KCNN2: variants seen among roughly 807,000 people sequenced by gnomAD.
KCNN2 encodes the protein small conductance calcium-activated potassium channel protein 2.
Under a neutral mutation model 55.5 loss-of-function variants are expected in KCNN2, and 24 were observed. The ratio of observed to expected loss-of-function variants is 0.43; its 90% CI spans 0.31 to 0.61. The LOEUF (loss-of-function observed/expected upper bound fraction) is 0.61, where lower values mean the gene tolerates loss of function less well. Among genes scored for constraint, KCNN2 ranks in the 20% least tolerant of loss-of-function variants. The pLI, the probability that KCNN2 is intolerant of heterozygous loss-of-function variation, is 0.08. For missense variants in KCNN2, 754 were observed against 853.6 expected (o/e 0.88, Z 1.45); for synonymous variants, 431 against 336.1 (o/e 1.28, Z -3.09).
At chr5:114,254,319 T>C (rs1754940109) in intron 2 of KCNN2, among the ~76,000 whole-genome samples, 1 of 152,076 alleles carries the variant, frequency 6.6e-6, no homozygotes, top group South Asian at 2.1e-4. Flanking sequence ...AGAGGAAAAA[T>C]CTTCCAAAGT....
chr5:114,229,607 TA>T lies in KCNN2; in HGVS notation c.-185+8043del, dbSNP rs1561532002. Among the ~76,000 whole-genome samples the T allele has an allele frequency of 5.3e-3, 810 of 151,574 alleles. 3 individuals carry two copies. Among genetic ancestry groups the T allele is most frequent in the Non-Finnish European group, 8.1e-3 (547 of 67,810 alleles). On this transcript the variant is annotated intron_variant, in intron 2 of 10. Transcript: ENST00000512097. ...CTTTGTTTAAAAAATTAGATGTAAATATTAGTATGTATTTAAAATATATGTG... is the reference window on the plus strand; with the variant it reads ...CTTTGTTTAAAAAATTAGATGTAAATTTAGTATGTATTTAAAATATATGTG...
At chr5:114,380,604 C>A (rs572867630) in intron 2 of KCNN2, among the ~76,000 whole-genome samples, 1 of 152,154 alleles carries the variant, frequency 6.6e-6, no homozygotes, top group Non-Finnish European at 1.5e-5. Context: ...TATACTTAGT[C>A]CAGTGCTAGA....
At chr5:114,417,946 C>T (rs1759357735) in intron 3 of KCNN2, among the ~76,000 whole-genome samples, 1 of 152,158 alleles carries the variant, frequency 6.6e-6, no homozygotes. Flanking sequence ...GTCATCTAAT[C>T]CTATCAGGCC....
rs2112627086 is a variant in KCNN2 at position 114,251,753 on chromosome 5, G to A, written c.-185+30188G>A. 2.0e-5 allele frequency among the ~76,000 whole-genome samples: 3 copies of A among 152,040 alleles called. 1 individual carries two copies. In the South Asian group the frequency reaches 6.2e-4, roughly 32 times the overall value. On this transcript the variant is annotated intron_variant, in intron 2 of 10. Transcript: ENST00000512097. ...GCTTTCTTTTTATTTTCCTCAGATAGTGTAGATTCTTTTAATTCTTCTGGA... is the reference window on the plus strand; with the variant it reads ...GCTTTCTTTTTATTTTCCTCAGATAATGTAGATTCTTTTAATTCTTCTGGA...
At chr5:114,480,743 A>G (rs1362829486) in intron 5 of KCNN2, among the ~76,000 whole-genome samples, 2 of 152,148 alleles carry the variant, frequency 1.3e-5, no homozygotes, top group East Asian at 1.9e-4. Flanking sequence ...ATTCATCACA[A>G]TAACAGAACT....
chr5:114,131,555 A>T (rs1376069681), intron 1 of KCNN2, among the ~76,000 whole-genome samples: 3 of 152,154 alleles, frequency 2.0e-5, no homozygotes, highest in African/African-American at 4.8e-5. Flanking sequence ...GATTGATTCC[A>T]TGTCTTTGCT....
intron 1 of KCNN2, among the ~76,000 whole-genome samples, chr5:114,165,219 C>G (rs1158031340): frequency 2.6e-5 from 4 of 152,156 alleles, no homozygotes. Flanking sequence ...CTCTTGCTTC[C>G]CCTTTCACTT....
At chr5:114,432,418 G>A (rs1759826537) in intron 3 of KCNN2, among the ~76,000 whole-genome samples, 1 of 152,180 alleles carries the variant, frequency 6.6e-6, no homozygotes, top group African/African-American at 2.4e-5. Context: ...GTATTACCAT[G>A]GTATATCATT....
At chr5:114,087,118 A>G (rs773327637) in intron 1 of KCNN2, among the ~76,000 whole-genome samples, 1 of 151,472 alleles carries the variant, frequency 6.6e-6, no homozygotes, top group Non-Finnish European at 1.5e-5. Flanking sequence ...TTTTAAATGG[A>G]TTTATTTGTT....
chr5:114,074,293 CGTGT>C (rs371882287), intron 1 of KCNN2, among the ~76,000 whole-genome samples: 27,570 of 144,470 alleles, frequency 0.19, 2,650 homozygotes, highest in South Asian at 0.26. Context: ...GCCATGTTTG[CGTGT>C]GTGTGTGTGT....
chr5:114,058,373 T>G (rs1036014815), intron 1 of KCNN2, among the ~76,000 whole-genome samples: 4 of 152,142 alleles, frequency 2.6e-5, no homozygotes, highest in African/African-American at 9.7e-5. Flanking sequence ...AGAGGCACCA[T>G]ATGGTTAGTT....
At chr5:114,359,558 T>C (rs1757365323), upstream of KCNN2, among the ~76,000 whole-genome samples, 1 of 152,220 alleles carries the variant, frequency 6.6e-6, no homozygotes, top group Non-Finnish European at 1.5e-5. Flanking sequence ...GCCATTATTT[T>C]TCTTATGACA....
chr5:114,292,413 T>A (rs912551069), intron 2 of KCNN2, among the ~76,000 whole-genome samples: 4 of 152,192 alleles, frequency 2.6e-5, no homozygotes, highest in African/African-American at 9.6e-5. Flanking sequence ...TACATATGGC[T>A]AGCCAGTTTT....
chr5:114,356,106 A>G (rs1405511073), intron 2 of KCNN2, among the ~76,000 whole-genome samples: 5 of 152,276 alleles, frequency 3.3e-5, no homozygotes, highest in African/African-American at 1.2e-4. Context: ...AAGAGCTAGC[A>G]GAGTGTAAAA....
rs1440294668 is a variant in KCNN2 at position 114,449,917 on chromosome 5, CTCGCGT to C, written c.1638-13131_1638-13126del. Among the ~76,000 whole-genome samples the C allele has an allele frequency of 9.1e-4, 137 of 150,706 alleles. 2 individuals carry two copies. The highest frequency in any genetic ancestry group is 3.4e-3 in the Middle Eastern group (1 of 292). The stretch of plus-strand genomic sequence containing the variant: ...ACACACACACACACACACGCGCGCG[CTCGCGT>C]GCGCGCACTCTTCCCTTAGAAGAGC... On this transcript the variant is annotated intron_variant, in intron 3 of 7. Transcript: ENST00000673685.
intron 3 of KCNN2, chr5:114,433,433 A>G (rs935550902): frequency 2.0e-5 from 3 of 152,220 alleles, no homozygotes; most frequent in Non-Finnish European, 4.4e-5. Context: ...GTCAAAACAG[A>G]CCACTCGGCT....
intron 1 of KCNN2, among the ~76,000 whole-genome samples, chr5:114,099,149 G>A (rs1045162425): frequency 6.6e-6 from 1 of 152,056 alleles, no homozygotes; most frequent in African/African-American, 2.4e-5. Context: ...AACGTACCCT[G>A]AACTACTGGA....
chr5:114,193,964 TCAC>T (rs1266084578), intron 1 of KCNN2, among the ~76,000 whole-genome samples: 2 of 152,172 alleles, frequency 1.3e-5, no homozygotes, highest in Admixed American at 1.3e-4. Context: ...TGTGTAACCA[TCAC>T]CACAATATAA....
chr5:114,390,696 C>T (rs1758426708), intron 2 of KCNN2, among the ~76,000 whole-genome samples: 1 of 152,072 alleles, frequency 6.6e-6, no homozygotes, highest in South Asian at 2.1e-4. Flanking sequence ...TTCCAGAGTG[C>T]AAACACATAA....
Sources: gnomAD v4.1 joint callset for allele counts (sites outside exome capture counted in the v4.1 genomes callset) on GRCh38, gnomAD v4.1.1 for gene constraint, MANE v1.5 for transcripts, NCBI Gene and HGNC (gene_info 2026-07-23, HGNC 2026-07-21) for gene names.